The following NEBL variants were observed in gnomAD, a reference collection of about 807,000 sequenced individuals.
NEBL encodes the protein LIM and SH3 protein 2.
In NEBL, 122 loss-of-function variants were observed where a neutral mutation model predicts 140.2. The observed-to-expected ratio is 0.87, with a 90% CI of 0.75 to 1.01. The LOEUF (loss-of-function observed/expected upper bound fraction) is 1.01. Among genes scored for constraint, NEBL ranks in the 50% least tolerant of loss-of-function variants. The pLI is 0.00. For missense variants in NEBL, 1,365 were observed against 1,231.3 expected, an observed-to-expected ratio of 1.11 and a Z score of -1.62; for synonymous variants, 436 against 398.9, an observed-to-expected ratio of 1.09 and a Z score of -1.11.
intron 26 of NEBL, among the ~76,000 whole-genome samples, chr10:20,796,318 C>T (rs1836517785): frequency 7.6e-6 from 1 of 130,942 alleles, no homozygotes; most frequent in Admixed American, 8.8e-5. Context: ...GAGATTGCAC[C>T]ATTGCACTCC....
intron 3 of NEBL, among the ~76,000 whole-genome samples, chr10:20,989,138 T>A (rs1837364875): frequency 6.6e-6 from 1 of 152,244 alleles, no homozygotes; most frequent in Non-Finnish European, 1.5e-5. Flanking sequence ...TCTAAAGTGA[T>A]GCTTTTAGTA....
chr10:21,013,739 G>C (rs1267295568), intron 3 of NEBL, among the ~76,000 whole-genome samples: 2 of 152,236 alleles, frequency 1.3e-5, no homozygotes, highest in Admixed American at 6.5e-5. Context: ...TTAGCTAGGC[G>C]TAGTGGTGCG....
intron 2 of NEBL, among the ~76,000 whole-genome samples, chr10:21,022,475 G>A (rs897281448): frequency 6.6e-6 from 1 of 152,196 alleles, no homozygotes; most frequent in Non-Finnish European, 1.5e-5. Context: ...GTAGGAAAAT[G>A]TACATGCAAT....
At chr10:20,820,078 A>C (rs1247583719) in intron 19 of NEBL, among the ~76,000 whole-genome samples, 2 of 152,204 alleles carry the variant, frequency 1.3e-5, no homozygotes, top group African/African-American at 2.4e-5. Context: ...TATATTTAAA[A>C]ATAATAATTC....
chr10:21,068,300 T>A (rs1006099338), intron 2 of NEBL, among the ~76,000 whole-genome samples: 3 of 152,232 alleles, frequency 2.0e-5, no homozygotes, highest in Admixed American at 1.3e-4. Context: ...CCAGCAGCCA[T>A]ATCCTTCCTT....
intron 26 of NEBL, among the ~76,000 whole-genome samples, chr10:20,805,935 T>C (rs568027692): frequency 2.2e-4 from 34 of 152,248 alleles, no homozygotes; most frequent in African/African-American, 7.9e-4. Context: ...TCTCCCTCCA[T>C]CTTTGAAGAA....
At chr10:21,002,095 C>T (rs766828159) in intron 3 of NEBL, among the ~76,000 whole-genome samples, 1 of 151,800 alleles carries the variant, frequency 6.6e-6, no homozygotes, top group Non-Finnish European at 1.5e-5. Context: ...ATGTAAATGT[C>T]AACCTCCAAA....
At chr10:20,875,700 G>A (rs1845431995) in intron 5 of NEBL, among the ~76,000 whole-genome samples, 1 of 152,116 alleles carries the variant, frequency 6.6e-6, no homozygotes, top group Non-Finnish European at 1.5e-5. Flanking sequence ...CTCAGGAATG[G>A]CAGCCTTGCA....
chr10:21,202,604 A>G (rs778039199), intron 3 of NEBL, among the ~76,000 whole-genome samples: 1 of 151,738 alleles, frequency 6.6e-6, no homozygotes, highest in Non-Finnish European at 1.5e-5. Context: ...CTGGGACTAC[A>G]GGCGCCTGCC....
intron 2 of NEBL, among the ~76,000 whole-genome samples, chr10:21,118,636 T>C (rs764123193): frequency 2.2e-4 from 33 of 152,148 alleles, no homozygotes; most frequent in Admixed American, 1.4e-3. Context: ...AAAAAAAAAC[T>C]ATTATTTGTT....
At chr10:21,196,385 C>T (rs1841651917) in intron 3 of NEBL, among the ~76,000 whole-genome samples, 1 of 150,048 alleles carries the variant, frequency 6.7e-6, no homozygotes, top group Non-Finnish European at 1.5e-5. Context: ...GCTCTTGTTG[C>T]CCAGGGTGGA....
intron 4 of NEBL, among the ~76,000 whole-genome samples, chr10:20,954,107 A>C (rs1835660420): frequency 6.6e-6 from 1 of 152,110 alleles, no homozygotes; most frequent in African/African-American, 2.4e-5. Context: ...TATTTACTGA[A>C]TAGATATTTA....
intron 26 of NEBL, among the ~76,000 whole-genome samples, chr10:20,791,146 T>C (rs1298777003): frequency 6.6e-6 from 1 of 152,212 alleles, no homozygotes; most frequent in Non-Finnish European, 1.5e-5. Context: ...TCACTTCACA[T>C]TGGTAAGATT....
At chr10:20,900,845 G>A (rs1371307427), upstream of NEBL, among the ~76,000 whole-genome samples, 44 of 103,436 alleles carry the variant, frequency 4.3e-4, no homozygotes, top group South Asian at 7.5e-4. Flanking sequence ...ACTCCATCCC[G>A]AAAAAAAAAG....
chr10:21,273,879 C>G (rs1002385249), intron 1 of NEBL, among the ~76,000 whole-genome samples: 29 of 152,154 alleles, frequency 1.9e-4, no homozygotes, highest in African/African-American at 5.6e-4. Flanking sequence ...ATTTGCTTAC[C>G]CCTGCAGCAG....
chr10:20,790,744 T>C (rs1277540819), intron 26 of NEBL, among the ~76,000 whole-genome samples: 2 of 152,188 alleles, frequency 1.3e-5, no homozygotes, highest in African/African-American at 4.8e-5. Flanking sequence ...CAGGAATGCC[T>C]TTTTTGGAAA....
At chr10:21,104,300 T>A (rs922477458) in intron 2 of NEBL, among the ~76,000 whole-genome samples, 2 of 152,230 alleles carry the variant, frequency 1.3e-5, no homozygotes, top group South Asian at 4.1e-4. Flanking sequence ...GAAATCATGT[T>A]AAATATATAG....
intron 4 of NEBL, among the ~76,000 whole-genome samples, chr10:20,882,663 T>C (rs563762554): frequency 3.3e-5 from 5 of 152,250 alleles, no homozygotes; most frequent in African/African-American, 1.2e-4. Context: ...CCATTCCACT[T>C]GGATAATATA....
chr10:21,278,966 C>T (rs1842957794), intron 1 of NEBL, among the ~76,000 whole-genome samples: 1 of 152,146 alleles, frequency 6.6e-6, no homozygotes, highest in East Asian at 1.9e-4. Context: ...CCTCCAGAAT[C>T]TTAGCAATTA....
Sources: allele counts gnomAD v4.1 joint callset (sites outside exome capture counted in the v4.1 genomes callset), GRCh38; gene constraint gnomAD v4.1.1; transcripts MANE v1.5; gene names NCBI Gene and HGNC (gene_info 2026-07-23, HGNC 2026-07-21).